Variants in TRIM64B observed in about 807,000 individuals in gnomAD.
TRIM64B encodes tripartite motif containing 64B, also known as tripartite motif-containing protein 64B.
For missense variants in TRIM64B, 57 were observed against 536.4 expected (o/e 0.11, Z 8.83); for synonymous variants, 17 against 190.3 (o/e 0.09, Z 7.50).
intron 1 of TRIM64B, 137 bp downstream of exon 2, chr11:89,875,473 A>C: frequency 7.0e-7 from 1 of 1,425,866 alleles, no homozygotes; most frequent in Non-Finnish European, 9.3e-7. Flanking sequence ...TTGAAAGGAC[A>C]CATTCATGTG....
chr11:89,876,288 A>G (rs1187659346), upstream of TRIM64B, among the ~76,000 whole-genome samples: 9 of 142,528 alleles, frequency 6.3e-5, no homozygotes, highest in Non-Finnish European at 1.1e-4. Flanking sequence ...CTTATTAGTA[A>G]ATGGTGTGAA....
At chr11:89,877,682 C>T (rs1441340530), upstream of TRIM64B, among the ~76,000 whole-genome samples, 32 of 149,182 alleles carry the variant, frequency 2.1e-4, no homozygotes, top group Non-Finnish European at 2.4e-4. Context: ...TGCAGTGGCA[C>T]GATCTCAGCT....
chr11:89,876,721 CAAAAA>C (rs57069977), upstream of TRIM64B, among the ~76,000 whole-genome samples: 1 of 106,084 alleles, frequency 9.4e-6, no homozygotes, highest in African/African-American at 3.0e-5. Context: ...GACTCTGTCT[CAAAAA>C]AAAAAAAAAA....
intron 4 of TRIM64B, among the ~76,000 whole-genome samples, chr11:89,872,790 A>G (rs1465895501): frequency 1.3e-5 from 2 of 151,782 alleles, no homozygotes; most frequent in African/African-American, 4.9e-5. Context: ...GAGGGGCCCG[A>G]GGCAACCATT....
chr11:89,875,897 G>C (rs1258667153), exon 1 of TRIM64B: 1 of 1,549,350 alleles, frequency 6.5e-7, no homozygotes, highest in African/African-American at 1.4e-5. Flanking sequence ...TCTGAGCAGA[G>C]GCAGAGGCAG....
At chr11:89,871,958 C>G (rs916710048) in intron 5 of TRIM64B, among the ~76,000 whole-genome samples, 98 of 73,678 alleles carry the variant, frequency 1.3e-3, no homozygotes, top group African/African-American at 5.2e-3. Context: ...TTCATAACTA[C>G]ATGATCTGAA....
chr11:89,877,422 TA>T (rs1283879291), upstream of TRIM64B, among the ~76,000 whole-genome samples: 1 of 140,098 alleles, frequency 7.1e-6, no homozygotes, highest in African/African-American at 2.6e-5. Context: ...TCTTCTAAAA[TA>T]ACAAAAAAAA....
At chr11:89,872,365 G>A (rs1303719562) in intron 4 of TRIM64B, 53 bp from the exon 6 acceptor site, 5 of 1,528,086 alleles carry the variant, frequency 3.3e-6, no homozygotes, top group East Asian at 4.9e-5. Flanking sequence ...TAATCACACA[G>A]TCATACAAAG....
intron 3 of TRIM64B, 42 bp downstream of exon 4, chr11:89,874,007 G>A (rs1950138030): frequency 1.9e-6 from 3 of 1,546,722 alleles, no homozygotes; most frequent in African/African-American, 2.8e-5. Context: ...GCACTGTCCA[G>A]CAAAGGCTTC....
chr11:89,873,769 G>A (rs1267759464), intron 3 of TRIM64B, among the ~76,000 whole-genome samples: 1 of 103,208 alleles, frequency 9.7e-6, no homozygotes, highest in Non-Finnish European at 2.0e-5. Context: ...CCTTCCCCTG[G>A]CCTAGAGTTC....
chr11:89,874,078 A>T (rs552779355), exon 3 of TRIM64B: 1 of 1,549,558 alleles, frequency 6.5e-7, no homozygotes, highest in African/African-American at 1.4e-5. Flanking sequence ...GGCATGTGGC[A>T]TGTCTCCCAC....
At chr11:89,874,078 A>C in exon 3 of TRIM64B, 4 of 1,549,558 alleles carry the variant, frequency 2.6e-6, no homozygotes, top group Non-Finnish European at 2.6e-6. Context: ...GGCATGTGGC[A>C]TGTCTCCCAC....
upstream of TRIM64B, among the ~76,000 whole-genome samples, chr11:89,876,615 G>A (rs1223563887): frequency 4.0e-5 from 6 of 149,386 alleles, no homozygotes; most frequent in African/African-American, 1.2e-4. Context: ...CCAGCTATTC[G>A]GGAGGCTGAG....
At position 89,871,122 on chromosome 11, in the gene TRIM64B, GA is replaced by G. The variant is rs1387764765; in HGVS notation, c.857-9del. On this transcript the variant is annotated splice_polypyrimidine_tract_variant and intron_variant, in intron 5 of 5. Transcript: ENST00000329862. ...TGCTCAGAGCACTATCCACTGACAA[GA>G]AAAAAATATTATATTAGTGAGTGTT... 1.2e-5 allele frequency: 18 copies of G among 1,499,512 alleles called. No homozygotes were observed. The highest frequency in any genetic ancestry group is 1.6e-5 in the Non-Finnish European group (18 of 1,112,038). The allele number at this position is 1,499,512 out of a possible 1,614,324, so 92.9% of individuals were successfully genotyped here.
At chr11:89,871,700 C>T (rs1237752986) in intron 5 of TRIM64B, among the ~76,000 whole-genome samples, 1 of 109,580 alleles carries the variant, frequency 9.1e-6, no homozygotes, top group East Asian at 2.6e-4. Flanking sequence ...GTTCACAGAT[C>T]CCTCACCTTT....
intron 2 of TRIM64B, among the ~76,000 whole-genome samples, chr11:89,874,732 AG>A (rs1257545822): frequency 1.5e-5 from 2 of 134,788 alleles, no homozygotes; most frequent in Non-Finnish European, 1.6e-5. Context: ...GTGTCTGAAA[AG>A]GTTTATACCA....
chr11:89,872,654 G>C lies in TRIM64B; in HGVS notation c.759-342C>G, dbSNP rs138766876. 3.9e-4 allele frequency among the ~76,000 whole-genome samples: 58 copies of C among 150,500 alleles called. No homozygotes were observed. In the East Asian group the frequency reaches 5.0e-3, roughly 13 times the overall value. On this transcript the variant is annotated intron_variant, in intron 4 of 5. Transcript: ENST00000329862. ...CAGAAAACTCAGACAAAAACCTTTG[G>C]GACCTCAGCCTGCAGTTGTCACTAA...
chr11:89,876,766 T>G (rs1274747506), upstream of TRIM64B, among the ~76,000 whole-genome samples: 2 of 149,450 alleles, frequency 1.3e-5, no homozygotes, highest in African/African-American at 4.8e-5. Context: ...AGCTGCTTTT[T>G]TCTCCCTGTA....
upstream of TRIM64B, among the ~76,000 whole-genome samples, chr11:89,877,021 C>T (rs975437590): frequency 2.1e-5 from 3 of 144,368 alleles, no homozygotes; most frequent in Non-Finnish European, 4.6e-5. Flanking sequence ...TTCTGAATGT[C>T]ATCCTGTTTC....
Sources: gnomAD v4.1 joint callset for allele counts (sites outside exome capture counted in the v4.1 genomes callset) on GRCh38, gnomAD v4.1.1 for gene constraint, MANE v1.5 for transcripts, NCBI Gene and HGNC (gene_info 2026-07-23, HGNC 2026-07-21) for gene names.